The following SDK1 variants were observed in gnomAD, a reference collection of about 807,000 sequenced individuals.
SDK1 encodes sidekick cell adhesion molecule 1.
Under a neutral mutation model 245.5 loss-of-function variants are expected in SDK1, and 157 were observed. The observed-to-expected ratio is 0.64, with a 90% CI of 0.56 to 0.73. The LOEUF (loss-of-function observed/expected upper bound fraction) is 0.73, where lower values mean the gene tolerates loss of function less well. Ranked by LOEUF, SDK1 falls within the 30% of genes least tolerant of loss-of-function variation. SDK1 has a pLI of 0.00. For missense variants in SDK1, 3,583 were observed against 3,002.3 expected (o/e 1.19, Z -4.52); for synonymous variants, 1,647 against 1,278.5 (o/e 1.29, Z -6.15).
In SDK1 at chr7:3,889,797, C is replaced by T. The variant is rs193147483; in HGVS notation, c.848-61126C>T. 9.8e-4 allele frequency among the ~76,000 whole-genome samples: 149 copies of T among 152,274 alleles called. 1 individual carries two copies. The highest frequency in any genetic ancestry group is 3.4e-3 in the African/African-American group (140 of 41,554). On this transcript the variant is annotated intron_variant, in intron 5 of 44. Transcript: ENST00000404826. The stretch of plus-strand genomic sequence containing the variant: ...TGCTGGGATTACAGGCATGAGCCAT[C>T]GTGCCTGGCCTATATGATTCTTACT...
At chr7:4,184,587 G>T (rs554804404) in intron 35 of SDK1, among the ~76,000 whole-genome samples, 1 of 152,330 alleles carries the variant, frequency 6.6e-6, no homozygotes, top group South Asian at 2.1e-4. Flanking sequence ...CAGAATAGAT[G>T]ATCTCTGGGT....
intron 4 of SDK1, among the ~76,000 whole-genome samples, chr7:3,668,299 C>A (rs1001571088): frequency 1.3e-5 from 2 of 152,198 alleles, no homozygotes; most frequent in Non-Finnish European, 2.9e-5. Flanking sequence ...GATTCCTCTT[C>A]CAACACGACT....
chr7:3,677,571 C>G lies in SDK1; in HGVS notation c.713+35466C>G, dbSNP rs564793019. Among the ~76,000 whole-genome samples, 19 of 152,308 alleles carry G rather than the reference C, an allele frequency of 1.2e-4. No homozygotes were observed. In the South Asian group the frequency reaches 3.3e-3, roughly 27 times the overall value. ...TATGGGGGAAACCACCCCCGTGATT[C>G]AATTATCTCCACCTGGCCCTGCCCT... On this transcript the variant is annotated intron_variant, in intron 4 of 44. Coordinates refer to ENST00000404826, the MANE Select transcript of SDK1 (RefSeq NM_152744.4).
chr7:3,488,967 C>G (rs748144534), intron 1 of SDK1, among the ~76,000 whole-genome samples: 3 of 151,850 alleles, frequency 2.0e-5, no homozygotes, highest in Non-Finnish European at 4.4e-5. Flanking sequence ...AGATCCACAG[C>G]TCTTTCAATG....
chr7:4,012,730 C>T (rs544716892), intron 16 of SDK1, among the ~76,000 whole-genome samples: 1 of 151,802 alleles, frequency 6.6e-6, no homozygotes, highest in East Asian at 1.9e-4. Context: ...TGTGCCACCA[C>T]ACCTGGCTAA....
chr7:3,326,172 A>G (rs1779936265), intron 1 of SDK1, among the ~76,000 whole-genome samples: 1 of 152,202 alleles, frequency 6.6e-6, no homozygotes, highest in Admixed American at 6.5e-5. Context: ...ATAAAAGTGT[A>G]GAGAAAGTAG....
At chr7:3,449,189 TG>T in intron 1 of SDK1, among the ~76,000 whole-genome samples, 1 of 152,310 alleles carries the variant, frequency 6.6e-6, no homozygotes, top group East Asian at 1.9e-4. Context: ...TGTCACGTTT[TG>T]GGGCTAGGGG....
intron 5 of SDK1, among the ~76,000 whole-genome samples, chr7:3,936,906 G>A (rs1780182298): frequency 6.6e-6 from 1 of 152,144 alleles, no homozygotes; most frequent in Admixed American, 6.5e-5. Context: ...GGGACACTCA[G>A]GTCCGAGGAG....
At chr7:3,424,038 A>G (rs905293277) in intron 1 of SDK1, among the ~76,000 whole-genome samples, 4 of 151,920 alleles carry the variant, frequency 2.6e-5, no homozygotes, top group Admixed American at 2.0e-4. Flanking sequence ...CAAACTCCCA[A>G]ATAGTTCGGA....
chr7:3,843,295 T>G (rs1308272732), intron 5 of SDK1, among the ~76,000 whole-genome samples: 2 of 152,212 alleles, frequency 1.3e-5, no homozygotes, highest in African/African-American at 2.4e-5. Flanking sequence ...TCACATGGCT[T>G]TGTCTATGTG....
chr7:3,303,174 C>T (rs1324238200), intron 1 of SDK1, among the ~76,000 whole-genome samples: 1 of 152,148 alleles, frequency 6.6e-6, no homozygotes, highest in African/African-American at 2.4e-5. Flanking sequence ...TTTCATTTCA[C>T]TTATTTGTGC....
In SDK1 at chr7:3,929,229, T is replaced by A. The variant is rs116618412; in HGVS notation, c.848-21694T>A. Among the ~76,000 whole-genome samples, 646 of 152,312 alleles carry A rather than the reference T, an allele frequency of 4.2e-3. 5 individuals are homozygous for A. The highest frequency in any genetic ancestry group is 0.015 in the African/African-American group (610 of 41,560). On this transcript the variant is annotated intron_variant, in intron 5 of 44. Transcript: ENST00000404826. ...CTTAACAGCAAGCTTGCCGCCAAAT[T>A]CCGTCACTGATTATTTTGACTTGAT...
intron 4 of SDK1, among the ~76,000 whole-genome samples, chr7:3,739,365 T>G (rs1779411820): frequency 6.6e-6 from 1 of 152,208 alleles, no homozygotes; most frequent in Non-Finnish European, 1.5e-5. Flanking sequence ...CATTATTTCT[T>G]CAAATACTTT....
At chr7:3,953,148 G>A (rs11975443) in intron 7 of SDK1, among the ~76,000 whole-genome samples, 9,626 of 146,986 alleles carry the variant, frequency 0.065, 1,016 homozygotes, top group African/African-American at 0.23. Context: ...AAAATTTGCA[G>A]TCTGCCACTT....
At chr7:3,837,377 C>A (rs921348164) in intron 5 of SDK1, among the ~76,000 whole-genome samples, 3 of 152,194 alleles carry the variant, frequency 2.0e-5, no homozygotes, top group African/African-American at 7.2e-5. Context: ...GCTAGGACCC[C>A]TTTCCCCAGT....
intron 1 of SDK1, among the ~76,000 whole-genome samples, chr7:3,480,674 G>A (rs746597105): frequency 2.0e-5 from 3 of 152,190 alleles, no homozygotes; most frequent in Non-Finnish European, 4.4e-5. Context: ...GTCTGCCATA[G>A]CGTGCATATG....
At chr7:4,218,539 G>C (rs1006017614) in intron 38 of SDK1, among the ~76,000 whole-genome samples, 6 of 152,250 alleles carry the variant, frequency 3.9e-5, no homozygotes, top group African/African-American at 1.4e-4. Context: ...AATTTGCTTT[G>C]ATGGCTTTGA....
intron 4 of SDK1, among the ~76,000 whole-genome samples, chr7:3,695,368 A>C (rs1476259317): frequency 6.6e-6 from 1 of 152,218 alleles, no homozygotes; most frequent in Admixed American, 6.5e-5. Flanking sequence ...GTGCTGAAGA[A>C]TATGAGTAGA....
chr7:4,102,213 G>A (rs1249848091), intron 22 of SDK1, among the ~76,000 whole-genome samples: 1 of 152,080 alleles, frequency 6.6e-6, no homozygotes, highest in Non-Finnish European at 1.5e-5. Flanking sequence ...GGCCTTCCTG[G>A]TTTCCTGTGC....
Sources: gnomAD v4.1 joint callset for allele counts (sites outside exome capture counted in the v4.1 genomes callset) on GRCh38, gnomAD v4.1.1 for gene constraint, MANE v1.5 for transcripts, NCBI Gene and HGNC (gene_info 2026-07-23, HGNC 2026-07-21) for gene names.